MEIKIN: variants seen among roughly 807,000 people sequenced by gnomAD.
The protein encoded by MEIKIN is meiosis-specific kinetochore protein.
At chr5:131,878,952 T>C (rs1750658537) in intron 9 of MEIKIN, 26 bp downstream of exon 9, 2 of 398,556 alleles carry the variant, frequency 5.0e-6, no homozygotes, top group Non-Finnish European at 4.4e-6. Flanking sequence ...TTATGATTTA[T>C]GTAGTTATTC....
rs80294628 is a variant in MEIKIN at position 131,818,966 on chromosome 5, A to G, written c.976-103T>C. 2,110 of 386,632 alleles carry G rather than the reference A, an allele frequency of 5.5e-3. 10 individuals carry two copies. The highest frequency in any genetic ancestry group is 7.8e-3 in the Non-Finnish European group (1,712 of 218,648). 24.0% of individuals were successfully genotyped at this position (386,632 alleles called of 1,614,324 possible). A position where few individuals can be genotyped will look rare whatever the true frequency, so the allele number is the denominator to read the frequency against. On this transcript the variant is annotated intron_variant, in intron 11 of 12. Transcript: ENST00000442687. ...TAGTCTTAATATCTGTATTTCTTAGATATTAATAACAGCAAGCATTTATTA... is the reference window on the plus strand; with the variant it reads ...TAGTCTTAATATCTGTATTTCTTAGGTATTAATAACAGCAAGCATTTATTA...
intron 11 of MEIKIN, among the ~76,000 whole-genome samples, chr5:131,833,987 A>T (rs1410952014): frequency 6.6e-6 from 1 of 152,242 alleles, no homozygotes; most frequent in Non-Finnish European, 1.5e-5. Flanking sequence ...CCTTGTCTTC[A>T]GACACACTCT....
chr5:131,846,507 A>G (rs1046624570), intron 11 of MEIKIN, among the ~76,000 whole-genome samples: 1 of 152,196 alleles, frequency 6.6e-6, no homozygotes, highest in Non-Finnish European at 1.5e-5. Flanking sequence ...TGTAACTCAT[A>G]TTTTATTTTC....
At chr5:131,880,429 C>A (rs1315668048) in intron 8 of MEIKIN, among the ~76,000 whole-genome samples, 2 of 135,426 alleles carry the variant, frequency 1.5e-5, no homozygotes, top group African/African-American at 2.8e-5. Context: ...TAAGTAGAGA[C>A]GGGGGTCTCA....
At chr5:131,887,662 T>C (rs1750824964) in intron 8 of MEIKIN, among the ~76,000 whole-genome samples, 1 of 152,114 alleles carries the variant, frequency 6.6e-6, no homozygotes, top group Non-Finnish European at 1.5e-5. Flanking sequence ...TTCATATCCT[T>C]TGCTCATTTT....
Position 131,825,030 on chromosome 5 carries a change from A to G in MEIKIN, c.976-6167T>C, listed in dbSNP as rs751705657. On this transcript the variant is annotated intron_variant, in intron 11 of 12. Coordinates refer to ENST00000442687, the MANE Select transcript of MEIKIN (RefSeq NM_001303622.2). The stretch of plus-strand genomic sequence containing the variant: ...GGGAGACTTCATTTTACTGAAAAAA[A>G]AAGAAGAAGAAGAAGAAGAAGAAGC... Among the ~76,000 whole-genome samples, 54 of 151,600 alleles carry G rather than the reference A, an allele frequency of 3.6e-4. 1 individual carries two copies. Among genetic ancestry groups the G allele is most frequent in the African/African-American group, 1.0e-3 (43 of 41,162 alleles).
chr5:131,940,767 G>A (rs1245741035), intron 4 of MEIKIN, among the ~76,000 whole-genome samples: 4 of 152,098 alleles, frequency 2.6e-5, no homozygotes, highest in Non-Finnish European at 5.9e-5. Flanking sequence ...CTAACTGTCC[G>A]GCCAGTGTCC....
chr5:131,913,067 A>C (rs1381620637), intron 7 of MEIKIN, among the ~76,000 whole-genome samples: 1 of 152,184 alleles, frequency 6.6e-6, no homozygotes, highest in Non-Finnish European at 1.5e-5. Context: ...CACATAATCA[A>C]ATGTGGACCC....
chr5:131,828,090 G>A (rs1749645715), intron 11 of MEIKIN, among the ~76,000 whole-genome samples: 1 of 151,746 alleles, frequency 6.6e-6, no homozygotes, highest in African/African-American at 2.4e-5. Flanking sequence ...AAATAGTGAA[G>A]TACCCAGAGA....
intron 4 of MEIKIN, among the ~76,000 whole-genome samples, chr5:131,935,610 C>T (rs1392495799): frequency 6.6e-6 from 1 of 151,986 alleles, no homozygotes; most frequent in Non-Finnish European, 1.5e-5. Flanking sequence ...TTGCGGGGGT[C>T]GGGGGTGGTG....
intron 3 of MEIKIN, among the ~76,000 whole-genome samples, chr5:131,943,981 C>T (rs1225135176): frequency 6.6e-6 from 1 of 151,916 alleles, no homozygotes; most frequent in Admixed American, 6.6e-5. Flanking sequence ...GTGGTATACA[C>T]CTGTAATCAC....
chr5:131,808,447 A>T (rs1335249653), intron 12 of MEIKIN, among the ~76,000 whole-genome samples: 2 of 152,210 alleles, frequency 1.3e-5, no homozygotes, highest in Non-Finnish European at 2.9e-5. Context: ...GTCATCTCTA[A>T]CTACCATTCT....
chr5:131,892,486 C>T (rs909710163), intron 8 of MEIKIN, among the ~76,000 whole-genome samples: 11 of 152,156 alleles, frequency 7.2e-5, no homozygotes, highest in Non-Finnish European at 1.5e-4. Flanking sequence ...CACTGATACC[C>T]GTTCTTCCAG....
intron 8 of MEIKIN, among the ~76,000 whole-genome samples, chr5:131,881,014 A>T (rs1355940893): frequency 1.3e-5 from 2 of 152,224 alleles, no homozygotes; most frequent in Non-Finnish European, 2.9e-5. Flanking sequence ...AATCCTAGAG[A>T]CTAATCACTC....
intron 11 of MEIKIN, among the ~76,000 whole-genome samples, chr5:131,830,525 T>A (rs1427214909): frequency 6.6e-6 from 1 of 152,232 alleles, no homozygotes; most frequent in Non-Finnish European, 1.5e-5. Flanking sequence ...TTTAACACAT[T>A]TTCAAAAGAA....
intron 9 of MEIKIN, among the ~76,000 whole-genome samples, chr5:131,857,143 G>A (rs61221333): frequency 0.027 from 4,046 of 152,002 alleles, 185 homozygotes; most frequent in African/African-American, 0.092. Flanking sequence ...CTGAAAATTT[G>A]TAACTCTATG....
intron 9 of MEIKIN, among the ~76,000 whole-genome samples, chr5:131,876,651 T>C (rs1750619257): frequency 6.6e-6 from 1 of 151,342 alleles, no homozygotes; most frequent in Non-Finnish European, 1.5e-5. Flanking sequence ...ACTGGGTATA[T>C]ACCCAAAGGA....
intron 8 of MEIKIN, among the ~76,000 whole-genome samples, chr5:131,910,873 C>T (rs1422634370): frequency 6.6e-6 from 1 of 152,068 alleles, no homozygotes; most frequent in East Asian, 1.9e-4. Context: ...TTCTGCCCTA[C>T]CACCAAGCTT....
chr5:131,817,504 T>C (rs1773123338), intron 12 of MEIKIN, among the ~76,000 whole-genome samples: 2 of 151,608 alleles, frequency 1.3e-5, no homozygotes, highest in South Asian at 2.1e-4. Flanking sequence ...TAGTCCCAGC[T>C]ACTCGGGAGG....
Sources: allele counts gnomAD v4.1 joint callset (sites outside exome capture counted in the v4.1 genomes callset), GRCh38; gene constraint gnomAD v4.1.1; transcripts MANE v1.5; gene names NCBI Gene and HGNC (gene_info 2026-07-23, HGNC 2026-07-21).